Variants in FYTTD1 observed in about 807,000 individuals in gnomAD.
The protein encoded by FYTTD1 is forty-two-three domain containing 1.
FYTTD1 carries 22 observed loss-of-function variants against 40.9 expected under a neutral mutation model. That is an observed-to-expected ratio of 0.54 (90% CI 0.38 to 0.77). FYTTD1 has a LOEUF of 0.77. Among genes scored for constraint, FYTTD1 ranks in the 30% least tolerant of loss-of-function variants. FYTTD1 has a pLI of 0.00. For synonymous variants in FYTTD1, 140 were observed against 137.9 expected, an observed-to-expected ratio of 1.01 and a Z score of -0.10; for missense variants, 351 against 392.2, an observed-to-expected ratio of 0.90 and a Z score of 0.89.
In FYTTD1 at chr3:197,759,701, A is replaced by G. The variant is rs145030845; in HGVS notation, c.235+3144A>G. Among the ~76,000 whole-genome samples the G allele has an allele frequency of 2.7e-3, 405 of 151,610 alleles. 1 individual carries two copies. The highest frequency in any genetic ancestry group is 9.5e-3 in the African/African-American group (391 of 41,238). On this transcript the variant is annotated intron_variant, in intron 2 of 8. Transcript: ENST00000241502. ...GAGTTGTTCCTCAGTGGTAGAACGTATAGAGTTGTTCCTCAGTGGTAGAAC... is the reference window on the plus strand; with the variant it reads ...GAGTTGTTCCTCAGTGGTAGAACGTGTAGAGTTGTTCCTCAGTGGTAGAAC...
Position 197,750,032 on chromosome 3 carries a change from G to A in FYTTD1, c.61G>A (p.Ala21Thr). The A allele has an allele frequency of 6.3e-7, 1 of 1,582,724 alleles. No individual in the cohort carries two copies. Among genetic ancestry groups the A allele is most frequent in the South Asian group, 1.1e-5 (1 of 87,860 alleles). ...ATATSSPPPKARSNENLDKID... is the reference protein window; with the variant it reads ...ATATSSPPPKTRSNENLDKID... ...GGCGACTTCTTCGCCGCCGCCGAAG[G>A]CCCGCAGCAATGAAAACCTCGACAA... Residue 21 changes from alanine to threonine, a missense_variant, in exon 1 of 9, where the codon GCC becomes ACC. By Grantham distance (58) the Ala-to-Thr change is moderately conservative. Coordinates refer to ENST00000241502, the MANE Select transcript of FYTTD1 (RefSeq NM_032288.7).
chr3:197,780,220 G>T (rs1243159967), intron 8 of FYTTD1, among the ~76,000 whole-genome samples: 1 of 152,070 alleles, frequency 6.6e-6, no homozygotes, highest in East Asian at 1.9e-4. Context: ...ACCATACTTG[G>T]CTAATTCTTA....
chr3:197,774,062 T>C, intron 5 of FYTTD1, 87 bp from the exon 6 acceptor site: 1 of 1,107,204 alleles, frequency 9.0e-7, no homozygotes, highest in Non-Finnish European at 1.4e-6. Flanking sequence ...CACGCACCAC[T>C]GGGTTAGGAA....
chr3:197,777,093 C>T lies in FYTTD1; in HGVS notation c.731+92C>T. 8 of 768,168 alleles carry T rather than the reference C, an allele frequency of 1.0e-5. No individual in the cohort carries two copies. In the South Asian group the frequency reaches 1.3e-4, roughly 12 times the overall value. The allele number at this position is 768,168 out of a possible 1,614,324, so 47.6% of individuals were successfully genotyped here. On this transcript the variant is annotated intron_variant, in intron 7 of 8. Coordinates refer to ENST00000241502, the MANE Select transcript of FYTTD1 (RefSeq NM_032288.7). Reference sequence around the variant, plus strand: ...GGACTTCTGCTCAGAGAATGATGTCCAAGTTGGGATGAACCAGGAAGACAG... The same window carrying T: ...GGACTTCTGCTCAGAGAATGATGTCTAAGTTGGGATGAACCAGGAAGACAG...
rs1445462771 is a variant in FYTTD1 at position 197,776,935 on chromosome 3, C to T, written c.665C>T (p.Thr222Ile). 6.2e-7 allele frequency: 1 copy of T among 1,605,868 alleles called. No individual in the cohort carries two copies. The part of the protein sequence containing the change: ...VVAKRTRQWR[T>I]STTNGGILTV... ...ATTTTTTTTGAAACTAGATGGCGGA[C>T]TTCCACCACAAATGGAGGGATTTTG... The change falls in exon 7 of 9, where the codon ACT (threonine) becomes ATT (isoleucine). Residue 222 changes from threonine to isoleucine, a missense_variant. Physicochemically the swap from Thr to Ile is moderately conservative, Grantham distance 89. Transcript: ENST00000241502.
chr3:197,764,815 TAGAA>T (rs1347101264), intron 2 of FYTTD1, among the ~76,000 whole-genome samples: 1 of 147,092 alleles, frequency 6.8e-6, no homozygotes, highest in African/African-American at 2.5e-5. Flanking sequence ...TCAATAGAAA[TAGAA>T]AGCGCCAAGG....
rs1730107199 is a variant in FYTTD1, at chr3:197,784,365, G to A, written c.*2456G>A. The A allele has an allele frequency of 6.6e-6, 1 of 152,194 alleles. No homozygotes were observed. Among genetic ancestry groups the A allele is most frequent in the South Asian group, 2.1e-4 (1 of 4,832 alleles). 9.4% of individuals were successfully genotyped at this position (152,194 alleles called of 1,614,324 possible). A position where few individuals can be genotyped will look rare whatever the true frequency, so the allele number is the denominator to read the frequency against. ...GTTCTATGTTACGAAGAACTTTGTA[G>A]TGGTTATCTATATTTGTAGTTTTTA... On this transcript the variant is annotated 3_prime_UTR_variant, in exon 9 of 9. Transcript: ENST00000241502.
chr3:197,773,457 A>G lies in FYTTD1; in HGVS notation c.552A>G (p.Lys184=). 6 of 1,603,188 alleles carry G rather than the reference A, an allele frequency of 3.7e-6. No homozygotes were observed. The highest frequency in any genetic ancestry group is 5.1e-6 in the Non-Finnish European group (6 of 1,172,776). ...GTGGAAATAAATTAAATCATCAGAA[A>G]GATACTCGTCAGGCAACTTTTCTTT... is the stretch of plus-strand genomic sequence containing the variant. ...TRSGNKLNHQ[K]DTRQATFLFR... is the part of the protein sequence containing the mutation. The change falls in exon 5 of 9, where the codon AAA becomes AAG. Residue 184 remains lysine, a synonymous_variant. Transcript: ENST00000241502.
chr3:197,749,729 C>T (rs1021557697), upstream of FYTTD1: 47 of 617,574 alleles, frequency 7.6e-5, no homozygotes, highest in Non-Finnish European at 1.3e-4. Flanking sequence ...GCGCCTAGCA[C>T]AGCGGCTGCA....
rs144362835 is a variant in FYTTD1 at position 197,762,754 on chromosome 3, C to T, written c.236-5685C>T. Among the ~76,000 whole-genome samples, 1,489 of 152,084 alleles carry T rather than the reference C, an allele frequency of 9.8e-3. 11 individuals carry two copies. The highest frequency in any genetic ancestry group is 0.034 in the African/African-American group (1,412 of 41,472). ...AAAATTAGCTGGGCGTGGTAGCGGG[C>T]ACCTGTAGTCCCAGCTGCTCAGGAG... On this transcript the variant is annotated intron_variant, in intron 2 of 8. Coordinates refer to ENST00000241502, the MANE Select transcript of FYTTD1 (RefSeq NM_032288.7).
chr3:197,764,596 C>G (rs920040168), intron 2 of FYTTD1, among the ~76,000 whole-genome samples: 3 of 151,388 alleles, frequency 2.0e-5, no homozygotes, highest in African/African-American at 7.3e-5. Context: ...GTAGTCCCAG[C>G]TACTCAGGAG....
In FYTTD1 at chr3:197,781,924, G is replaced by C; in HGVS notation, c.*15G>C. Reference sequence around the variant, plus strand: ...CCGTGGGATAGGTCCCATGTCAAAGGAACTTTTGAGTGATGACTCTGAGAA... The same window carrying C: ...CCGTGGGATAGGTCCCATGTCAAAGCAACTTTTGAGTGATGACTCTGAGAA... On this transcript the variant is annotated 3_prime_UTR_variant, in exon 9 of 9. Coordinates refer to ENST00000241502, the MANE Select transcript of FYTTD1 (RefSeq NM_032288.7). The C allele has an allele frequency of 6.7e-7, 1 of 1,500,374 alleles. No homozygotes were observed. The highest frequency in any genetic ancestry group is 9.1e-7 in the Non-Finnish European group (1 of 1,099,524). The allele number at this position is 1,500,374 out of a possible 1,614,324, so 92.9% of individuals were successfully genotyped here.
At chr3:197,763,414 C>CGA in intron 2 of FYTTD1, 1 of 237,888 alleles carries the variant, frequency 4.2e-6, no homozygotes, top group South Asian at 3.0e-5. Flanking sequence ...ACTCTTGTCT[C>CGA]AAAAAAAAAA....
Position 197,784,971 on chromosome 3 carries a change from T to C in FYTTD1, c.*3062T>C, listed in dbSNP as rs1730123366. On this transcript the variant is annotated 3_prime_UTR_variant, in exon 9 of 9. Transcript: ENST00000241502. ...TGAGCTCAGATCTTCTAATTCTTAA[T>C]TGATAATAAACTGCTTTGGTGAATT... 4 of 152,126 alleles carry C rather than the reference T, an allele frequency of 2.6e-5. No individual in the cohort carries two copies. Among genetic ancestry groups the C allele is most frequent in the Non-Finnish European group, 5.9e-5 (4 of 68,022 alleles). The allele number at this position is 152,126 out of a possible 1,614,324, so 9.4% of individuals were successfully genotyped here. A position where few individuals can be genotyped will look rare whatever the true frequency, so the allele number is the denominator to read the frequency against.
At chr3:197,781,260 G>A (rs187019405) in intron 8 of FYTTD1, among the ~76,000 whole-genome samples, 1 of 151,754 alleles carries the variant, frequency 6.6e-6, no homozygotes, top group African/African-American at 2.4e-5. Context: ...GTTGCAATGA[G>A]CTGAGATTGT....
In FYTTD1 at chr3:197,769,799, T is replaced by C. The variant is rs1427991788; in HGVS notation, c.385-333T>C. ...TGGCTCTCTGATTCTTCTCTTGAGT[T>C]CCAGAGCCGCGATTCCCCATCACCT... On this transcript the variant is annotated intron_variant, in intron 3 of 8. Transcript: ENST00000241502. 2.0e-5 allele frequency among the ~76,000 whole-genome samples: 3 copies of C among 152,268 alleles called. No individual in the cohort carries two copies. In the East Asian group the frequency reaches 5.8e-4, roughly 29 times the overall value.
At chr3:197,755,952 A>G in intron 1 of FYTTD1, 2 of 617,062 alleles carry the variant, frequency 3.2e-6, no homozygotes, top group Non-Finnish European at 5.9e-6. Flanking sequence ...GGAAGTAGGT[A>G]GGAAAATGGA....
chr3:197,757,526 G>T (rs1333187116), intron 2 of FYTTD1, among the ~76,000 whole-genome samples: 1 of 152,200 alleles, frequency 6.6e-6, no homozygotes, highest in African/African-American at 2.4e-5. Context: ...AGTGGCTTAT[G>T]CCTGTAATCC....
intron 6 of FYTTD1, among the ~76,000 whole-genome samples, chr3:197,774,734 G>A (rs751053690): frequency 2.6e-5 from 4 of 151,126 alleles, no homozygotes; most frequent in East Asian, 3.9e-4. Flanking sequence ...AGCATAGCTC[G>A]ATCGCCAGTG....
Sources: gnomAD v4.1 joint callset for allele counts (sites outside exome capture counted in the v4.1 genomes callset) on GRCh38, gnomAD v4.1.1 for gene constraint, MANE v1.5 for transcripts, NCBI Gene and HGNC (gene_info 2026-07-23, HGNC 2026-07-21) for gene names.